The following CDC73 variants were observed in gnomAD, a reference collection of about 807,000 sequenced individuals.
CDC73 encodes the protein cell division cycle 73.
In CDC73, 21 loss-of-function variants were observed where a neutral mutation model predicts 83.7. The ratio of observed to expected loss-of-function variants is 0.25; its 90% CI spans 0.18 to 0.36. The LOEUF (loss-of-function observed/expected upper bound fraction) is 0.36, where lower values mean the gene tolerates loss of function less well. Among genes scored for constraint, CDC73 ranks in the 10% least tolerant of loss-of-function variants. The pLI, the probability that CDC73 is intolerant of heterozygous loss-of-function variation, is 1.00. For missense variants in CDC73, 342 were observed against 653.3 expected (o/e 0.52, Z 5.19); for synonymous variants, 224 against 212.9 (o/e 1.05, Z -0.45).
intron 14 of CDC73, 107 bp downstream of exon 14, chr1:193,233,261 A>G (rs1439668070): frequency 4.9e-6 from 5 of 1,016,988 alleles, no homozygotes; most frequent in South Asian, 2.6e-5. Flanking sequence ...GGGTCTCACT[A>G]TGTTGCCTAG....
chr1:193,198,952 C>A (rs1332387417), intron 10 of CDC73, among the ~76,000 whole-genome samples: 1 of 152,052 alleles, frequency 6.6e-6, no homozygotes, highest in Non-Finnish European at 1.5e-5. Context: ...CATGTCTCAG[C>A]CGTTTAAGTG....
intron 15 of CDC73, among the ~76,000 whole-genome samples, chr1:193,243,341 G>A (rs1039676871): frequency 5.3e-5 from 8 of 151,924 alleles, no homozygotes; most frequent in East Asian, 1.9e-4. Context: ...AGTTTGTTTC[G>A]CATCATTGCT....
intron 15 of CDC73, among the ~76,000 whole-genome samples, chr1:193,247,922 C>T (rs1677981188): frequency 6.6e-6 from 1 of 151,982 alleles, no homozygotes. Context: ...GGTGAAGCAG[C>T]AAGTGCTGAT....
intron 14 of CDC73, among the ~76,000 whole-genome samples, chr1:193,234,201 A>G (rs1266875081): frequency 6.3e-5 from 4 of 63,496 alleles, no homozygotes; most frequent in African/African-American, 1.5e-4. Context: ...ACACACACAC[A>G]CACACACACA....
chr1:193,243,395 A>C (rs750437370), intron 15 of CDC73, among the ~76,000 whole-genome samples: 21 of 152,246 alleles, frequency 1.4e-4, no homozygotes, highest in Admixed American at 2.6e-4. Flanking sequence ...GTTTTTAAAA[A>C]TTAGTGACTT....
chr1:193,154,374 A>C (rs370772478), intron 10 of CDC73, among the ~76,000 whole-genome samples: 20 of 152,242 alleles, frequency 1.3e-4, no homozygotes, highest in African/African-American at 4.6e-4. Context: ...TGCTTTGTAC[A>C]GAGCAGTTTT....
chr1:193,152,521 GTC>G lies in CDC73; in HGVS notation c.972+82_972+83del. The G allele has an allele frequency of 9.7e-6, 9 of 929,970 alleles. No homozygotes were observed. The South Asian group carries it at 1.2e-4, about 12-fold the overall frequency. The allele number at this position is 929,970 out of a possible 1,614,324, so 57.6% of individuals were successfully genotyped here. On this transcript the variant is annotated intron_variant, in intron 10 of 16. Transcript: ENST00000367435. ...TAGCACATGTTGAAGTAAATCTTTA[GTC>G]TCTCATATTTTTTATTTCAAACATT...
intron 8 of CDC73, among the ~76,000 whole-genome samples, chr1:193,149,031 G>A (rs940689067): frequency 6.6e-6 from 1 of 151,992 alleles, no homozygotes; most frequent in Non-Finnish European, 1.5e-5. Flanking sequence ...TGAAATTGTT[G>A]GAATTTAACT....
intron 6 of CDC73, among the ~76,000 whole-genome samples, chr1:193,141,294 T>C (rs1342057192): frequency 1.3e-5 from 2 of 152,224 alleles, no homozygotes; most frequent in Admixed American, 1.3e-4. Context: ...TATTTGAAAA[T>C]CAAGAAAAGG....
chr1:193,141,774 T>G, intron 6 of CDC73, 76 bp from the exon 7 acceptor site: 1 of 982,370 alleles, frequency 1.0e-6, no homozygotes, highest in Non-Finnish European at 1.6e-6. Flanking sequence ...CAGAAATTTA[T>G]AAATGTAACA....
chr1:193,133,463 A>G (rs1045591589), intron 3 of CDC73, among the ~76,000 whole-genome samples: 3 of 152,220 alleles, frequency 2.0e-5, no homozygotes, highest in Admixed American at 2.0e-4. Context: ...AAATTTGTAG[A>G]AGAGCATTGA....
chr1:193,181,244 G>C, intron 10 of CDC73: 1 of 1,614,032 alleles, frequency 6.2e-7, no homozygotes, highest in East Asian at 2.2e-5. Flanking sequence ...GTAACTCCTT[G>C]TGGTGACAGG....
chr1:193,207,230 G>A (rs990710096), intron 11 of CDC73, among the ~76,000 whole-genome samples: 1 of 152,074 alleles, frequency 6.6e-6, no homozygotes, highest in African/African-American at 2.4e-5. Flanking sequence ...AGGGGTATAC[G>A]AACAGGGAGT....
At chr1:193,170,070 A>C (rs1006134135) in intron 10 of CDC73, among the ~76,000 whole-genome samples, 1 of 151,672 alleles carries the variant, frequency 6.6e-6, no homozygotes, top group Non-Finnish European at 1.5e-5. Flanking sequence ...TTCCTGTGTT[A>C]GTTTGCTAAG....
chr1:193,184,593 G>GAC (rs1558302862), intron 10 of CDC73, among the ~76,000 whole-genome samples: 1 of 151,854 alleles, frequency 6.6e-6, no homozygotes, highest in Non-Finnish European at 1.5e-5. Flanking sequence ...GCTTTTAAAA[G>GAC]TGTTGATCTC....
chr1:193,128,885 C>A (rs1293846211), intron 2 of CDC73, among the ~76,000 whole-genome samples: 1 of 151,948 alleles, frequency 6.6e-6, no homozygotes, highest in Non-Finnish European at 1.5e-5. Context: ...AAACTGAAAT[C>A]TGTTAGCTAC....
intron 10 of CDC73, among the ~76,000 whole-genome samples, chr1:193,155,683 A>C (rs1271479198): frequency 1.3e-5 from 2 of 152,144 alleles, no homozygotes; most frequent in Non-Finnish European, 2.9e-5. Context: ...AGGCTGAGGC[A>C]GGAGAATTGT....
At chr1:193,153,685 T>G (rs1463525848) in intron 10 of CDC73, among the ~76,000 whole-genome samples, 1 of 152,226 alleles carries the variant, frequency 6.6e-6, no homozygotes, top group Admixed American at 6.5e-5. Flanking sequence ...GTTAATATAC[T>G]TGTTTTTAAA....
chr1:193,251,892 G>C lies in CDC73; in HGVS notation c.*1180G>C, dbSNP rs920839315. ...AACTAGGAAGCTTTACTTTCCTAAA[G>C]TGTTTTTGCCATTGGAATTTTTGCT... On this transcript the variant is annotated 3_prime_UTR_variant, in exon 17 of 17. Coordinates refer to ENST00000367435, the MANE Select transcript of CDC73 (RefSeq NM_024529.5). 1.7e-5 allele frequency: 4 copies of C among 229,548 alleles called. No individual in the cohort carries two copies. Among genetic ancestry groups the C allele is most frequent in the Non-Finnish European group, 3.4e-5 (4 of 116,354 alleles). The allele number at this position is 229,548 out of a possible 1,614,324, so 14.2% of individuals were successfully genotyped here.
Sources: allele counts gnomAD v4.1 joint callset (sites outside exome capture counted in the v4.1 genomes callset), GRCh38; gene constraint gnomAD v4.1.1; transcripts MANE v1.5; gene names NCBI Gene and HGNC (gene_info 2026-07-23, HGNC 2026-07-21).